The following CCDC141 variants were observed in gnomAD, a reference collection of about 807,000 sequenced individuals.
CCDC141 encodes the protein coiled-coil domain containing 141, also known as coiled-coil domain-containing protein 141.
CCDC141 carries 168 observed loss-of-function variants against 181.0 expected under a neutral mutation model. That is an observed-to-expected ratio of 0.93 (90% CI 0.82 to 1.05). CCDC141 has a LOEUF of 1.05. Among genes scored for constraint, CCDC141 ranks in the 50% least tolerant of loss-of-function variants. CCDC141 has a pLI of 0.00. For synonymous variants in CCDC141, 666 were observed against 642.3 expected (o/e 1.04, Z -0.56); for missense variants, 1,902 against 1,788.5 (o/e 1.06, Z -1.14).
intron 5 of CCDC141, among the ~76,000 whole-genome samples, chr2:178,948,492 C>T (rs575557362): frequency 6.6e-5 from 10 of 152,184 alleles, no homozygotes; most frequent in African/African-American, 4.8e-5. Context: ...AGGAGAAGAG[C>T]GGTGTGAGAT....
In CCDC141 at chr2:178,958,644, C is replaced by T. The variant is rs561675810; in HGVS notation, c.780+2586G>A. Among the ~76,000 whole-genome samples, 8 of 152,240 alleles carry T rather than the reference C, an allele frequency of 5.3e-5. No homozygotes were observed. In the South Asian group the frequency reaches 1.2e-3, roughly 24 times the overall value. On this transcript the variant is annotated intron_variant, in intron 5 of 23. Coordinates refer to ENST00000443758, the MANE Select transcript of CCDC141 (RefSeq NM_173648.4). ...CAGGTTTAGCAAGGTATTTAGATTT[C>T]CTTCAAGCATGTGGCTGGGTTAGAA...
At chr2:178,855,609 C>T in intron 18 of CCDC141, 68 bp from the exon 19 acceptor site, 1 of 1,097,138 alleles carries the variant, frequency 9.1e-7, no homozygotes, top group Non-Finnish European at 1.3e-6. Flanking sequence ...TGATTAAATA[C>T]TGAGAGAAAA....
At chr2:178,897,111 G>T (rs933241277) in intron 8 of CCDC141, among the ~76,000 whole-genome samples, 1 of 152,052 alleles carries the variant, frequency 6.6e-6, no homozygotes, top group African/African-American at 2.4e-5. Flanking sequence ...TGTCTAAAAT[G>T]ATCTCCTGCT....
intron 11 of CCDC141, among the ~76,000 whole-genome samples, chr2:178,881,930 C>T (rs1686642623): frequency 6.7e-6 from 1 of 148,558 alleles, no homozygotes; most frequent in African/African-American, 2.5e-5. Flanking sequence ...CACACACACA[C>T]ACACACACAC....
At chr2:178,848,112 AGC>A (rs1426955164) in intron 21 of CCDC141, among the ~76,000 whole-genome samples, 1 of 152,224 alleles carries the variant, frequency 6.6e-6, no homozygotes, top group East Asian at 1.9e-4. Context: ...GGAGTGATAT[AGC>A]TAAGGAAGGA....
At chr2:179,002,050 C>G (rs757897261) in intron 2 of CCDC141, 1 of 167,662 alleles carries the variant, frequency 6.0e-6, no homozygotes, top group South Asian at 1.5e-4. Flanking sequence ...AACTCTTGAC[C>G]TCAACTGATC....
intron 12 of CCDC141, 56 bp from the exon 13 acceptor site, chr2:178,872,368 T>A: frequency 6.8e-7 from 1 of 1,460,414 alleles, no homozygotes; most frequent in Middle Eastern, 1.8e-4. Flanking sequence ...TACAGCTTTT[T>A]GTTGTATATA....
intron 12 of CCDC141, chr2:178,877,547 G>T (rs1319995906): frequency 5.2e-6 from 1 of 194,146 alleles, no homozygotes; most frequent in Admixed American, 6.1e-5. Flanking sequence ...AAATGCAATG[G>T]ATCTTCACTA....
chr2:178,972,671 T>C (rs1381943860), intron 4 of CCDC141, among the ~76,000 whole-genome samples: 2 of 152,166 alleles, frequency 1.3e-5, no homozygotes, highest in African/African-American at 4.8e-5. Context: ...CCGGAAACCA[T>C]ATTTGCTGGA....
chr2:179,038,776 G>A (rs1384134952), intron 2 of CCDC141, among the ~76,000 whole-genome samples: 1 of 152,158 alleles, frequency 6.6e-6, no homozygotes, highest in Non-Finnish European at 1.5e-5. Context: ...AATTAGAGGT[G>A]AAATTTTCCA....
chr2:178,852,150 T>C (rs1421683794), intron 20 of CCDC141, among the ~76,000 whole-genome samples: 3 of 152,148 alleles, frequency 2.0e-5, no homozygotes, highest in African/African-American at 7.2e-5. Context: ...AACAGACAAA[T>C]ACCTATATAA....
chr2:178,837,228 C>T lies in CCDC141; in HGVS notation c.3991G>A (p.Ala1331Thr), dbSNP rs145114410. The T allele has an allele frequency of 6.2e-7, 1 of 1,614,052 alleles. No homozygotes were observed. Among genetic ancestry groups the T allele is most frequent in the African/African-American group, 1.3e-5 (1 of 75,034 alleles). ...ESMMSEVHER[A>T]LQQHPQAQGG... The stretch of plus-strand genomic sequence containing the variant: ...TGAGCCTGAGGGTGCTGCTGTAAAG[C>T]TCTCTCATGCACTTCACTCATCATG... Residue 1331 changes from alanine (A) to threonine (T), a missense_variant, in exon 23 of 24, where the codon GCT becomes ACT. Ala to Thr is a moderately conservative substitution (Grantham distance 58, BLOSUM62 0). Coordinates refer to ENST00000443758, the MANE Select transcript of CCDC141 (RefSeq NM_173648.4).
downstream of CCDC141, among the ~76,000 whole-genome samples, chr2:178,825,938 T>A (rs1684119289): frequency 1.3e-5 from 2 of 152,212 alleles, no homozygotes; most frequent in Admixed American, 1.3e-4. Context: ...ATTAGTTTTC[T>A]TTCTTTTAAA....
In CCDC141 at chr2:179,039,738, C is replaced by T. The variant is rs141619406; in HGVS notation, c.225+7546G>A. 6.9e-4 allele frequency among the ~76,000 whole-genome samples: 105 copies of T among 152,248 alleles called. 1 individual carries two copies. The East Asian group carries it at 0.013, about 19-fold the overall frequency. On this transcript the variant is annotated intron_variant, in intron 2 of 23. Transcript: ENST00000443758. ...ATTGGCTTATTGAACTACTAATGTCCTCATCCTTCAAAAGCTCATATTCAA... is the reference window on the plus strand; with the variant it reads ...ATTGGCTTATTGAACTACTAATGTCTTCATCCTTCAAAAGCTCATATTCAA...
chr2:178,904,735 T>C (rs985693115), intron 8 of CCDC141, among the ~76,000 whole-genome samples: 5 of 152,172 alleles, frequency 3.3e-5, no homozygotes, highest in Admixed American at 6.5e-5. Flanking sequence ...TCTCAAGGTC[T>C]TTCTCTCTCT....
chr2:178,815,533 T>G, the CCDC141 span, among the ~76,000 whole-genome samples: 6 of 152,042 alleles, frequency 3.9e-5, no homozygotes, highest in Non-Finnish European at 5.9e-5. Context: ...TCTCTGCTGA[T>G]AGATTGTGAT....
the CCDC141 span, among the ~76,000 whole-genome samples, chr2:178,815,630 T>C: frequency 6.6e-6 from 1 of 152,172 alleles, no homozygotes; most frequent in Non-Finnish European, 1.5e-5. Flanking sequence ...TATCAAAATA[T>C]GTGGATGCTC....
chr2:178,845,814 G>T, intron 21 of CCDC141, 72 bp from the exon 22 acceptor site: 1 of 869,818 alleles, frequency 1.1e-6, no homozygotes, highest in Admixed American at 1.7e-5. Flanking sequence ...CTAACTACTT[G>T]GAAGAAAACA....
rs1685830722 is a variant in CCDC141, at chr2:178,865,895, T to C, written c.2596A>G (p.Lys866Glu). 6.3e-7 allele frequency: 1 copy of C among 1,592,722 alleles called. No individual in the cohort carries two copies. The highest frequency in any genetic ancestry group is 2.3e-5 in the East Asian group (1 of 43,822). ...QRPHCSNVSA[K>E]NLQQQLELLE... ...AGCTCCAGCTGCTGCTGTAGGTTCT[T>C]TGCAGAAACATTAGAGCAGTGCTAA... The change falls in exon 17 of 24, where the codon AAG (lysine) becomes GAG (glutamate). Residue 866 changes from lysine to glutamate, a missense_variant. Transcript: ENST00000443758.
Sources: allele counts gnomAD v4.1 joint callset (sites outside exome capture counted in the v4.1 genomes callset), GRCh38; gene constraint gnomAD v4.1.1; transcripts MANE v1.5; gene names NCBI Gene and HGNC (gene_info 2026-07-23, HGNC 2026-07-21).